NCOR1: variants seen among roughly 807,000 people sequenced by gnomAD.
NCOR1 encodes the protein nuclear receptor corepressor 1.
In NCOR1, 63 loss-of-function variants were observed where a neutral mutation model predicts 288.1. That is an observed-to-expected ratio of 0.22 (90% CI 0.18 to 0.27). NCOR1 has a LOEUF of 0.27. Among genes scored for constraint, NCOR1 ranks in the 10% least tolerant of loss-of-function variants. The probability of loss-of-function intolerance (pLI) is 1.00; values close to 1 mark genes in which losing one functional copy is unlikely to be tolerated. For missense variants in NCOR1, 2,397 were observed against 3,019.2 expected, an observed-to-expected ratio of 0.79 and a Z score of 4.83; for synonymous variants, 1,007 against 1,065.9, an observed-to-expected ratio of 0.94 and a Z score of 1.08.
chr17:16,049,007 T>C lies in NCOR1; in HGVS notation c.6393-19A>G, dbSNP rs2058993551. ...AGGCCTACTATTGTAATATGTGAAA[T>C]ATTAGATTGTGTTTCAAAGGCTAAC... On this transcript the variant is annotated intron_variant, in intron 40 of 45. Coordinates refer to ENST00000268712, the MANE Select transcript of NCOR1 (RefSeq NM_006311.4). 6.3e-7 allele frequency: 1 copy of C among 1,577,616 alleles called. No homozygotes were observed. The highest frequency in any genetic ancestry group is 2.3e-5 in the East Asian group (1 of 43,598).
At chr17:16,127,789 A>G (rs2074980456) in intron 14 of NCOR1, among the ~76,000 whole-genome samples, 1 of 150,986 alleles carries the variant, frequency 6.6e-6, no homozygotes, top group African/African-American at 2.4e-5. Flanking sequence ...GTTCGGTACT[A>G]TCTGTGGTTT....
chr17:16,111,829 TGAG>T (rs2070280163), intron 18 of NCOR1, among the ~76,000 whole-genome samples: 1 of 152,074 alleles, frequency 6.6e-6, no homozygotes, highest in South Asian at 2.1e-4. Flanking sequence ...ACTGTGTTTC[TGAG>T]GAGGACCATG....
intron 3 of NCOR1, among the ~76,000 whole-genome samples, chr17:16,177,468 C>A (rs1351813061): frequency 6.6e-6 from 1 of 152,138 alleles, no homozygotes; most frequent in African/African-American, 2.4e-5. Flanking sequence ...ATTGTGGCAG[C>A]CTTTCTCTTT....
At chr17:16,170,362 CTG>C (rs1421491121) in intron 4 of NCOR1, among the ~76,000 whole-genome samples, 2 of 151,928 alleles carry the variant, frequency 1.3e-5, no homozygotes, top group South Asian at 2.1e-4. Flanking sequence ...AAAAGAAAAA[CTG>C]AAACAAAAAG....
At chr17:16,097,182 G>A (rs2066787085) in intron 21 of NCOR1, among the ~76,000 whole-genome samples, 1 of 152,220 alleles carries the variant, frequency 6.6e-6, no homozygotes, top group South Asian at 2.1e-4. Flanking sequence ...ACTCCTGGCT[G>A]GGGCCTCTAG....
chr17:16,032,705 G>A (rs1402892843), intron 45 of NCOR1, among the ~76,000 whole-genome samples: 1 of 152,216 alleles, frequency 6.6e-6, no homozygotes, highest in Non-Finnish European at 1.5e-5. Context: ...AGTAACATGA[G>A]TAGCATATGA....
intron 2 of NCOR1, among the ~76,000 whole-genome samples, chr17:16,189,997 G>A (rs2087769802): frequency 6.6e-6 from 1 of 152,184 alleles, no homozygotes; most frequent in Non-Finnish European, 1.5e-5. Flanking sequence ...CTTTAGGAGG[G>A]CAAGGCAGGA....
rs111371874 is a variant in NCOR1, at chr17:16,162,246, T to C, written c.618+2733A>G. Among the ~76,000 whole-genome samples the C allele has an allele frequency of 5.9e-4, 89 of 152,080 alleles. 1 individual carries two copies. Among genetic ancestry groups the C allele is most frequent in the African/African-American group, 2.0e-3 (85 of 41,516 alleles). ...TAAACTGGAAGACAGGCTGAAGAAA[T>C]TGCTCAGAATGAAGCCCAAAGAAGT... On this transcript the variant is annotated intron_variant, in intron 5 of 45. Coordinates refer to ENST00000268712, the MANE Select transcript of NCOR1 (RefSeq NM_006311.4).
At chr17:16,117,768 GC>G in intron 18 of NCOR1, 119 bp downstream of exon 18, 1 of 1,077,458 alleles carries the variant, frequency 9.3e-7, no homozygotes, top group Non-Finnish European at 1.3e-6. Context: ...TTTGCAGTGA[GC>G]CAAGATTGCA....
rs1330028363 is a variant in NCOR1 at position 16,075,622 on chromosome 17, G to A, written c.3582C>T (p.Asp1194=). The change falls in exon 27 of 46, where the codon GAC becomes GAT. Residue 1194 remains aspartate, a synonymous_variant. Coordinates refer to ENST00000268712, the MANE Select transcript of NCOR1 (RefSeq NM_006311.4). ...KGSISRMPIE[D]SSPEKGREEA... The stretch of plus-strand genomic sequence containing the variant: ...CCTCTCTGCCTTTCTCAGGACTGCT[G>A]TCTTCAATGGGCATTCTCGAAATGG... The A allele has an allele frequency of 6.2e-7, 1 of 1,614,180 alleles. No homozygotes were observed. The highest frequency in any genetic ancestry group is 2.2e-5 in the East Asian group (1 of 44,882).
intron 3 of NCOR1, among the ~76,000 whole-genome samples, chr17:16,177,967 T>C (rs903524773): frequency 2.6e-5 from 4 of 152,184 alleles, no homozygotes; most frequent in Non-Finnish European, 2.9e-5. Flanking sequence ...CCCAGCATTT[T>C]GGGAGGCTGA....
At position 16,098,248 on chromosome 17, in the gene NCOR1, CATGTT is replaced by C; in HGVS notation, c.2820+114_2820+118del. On this transcript the variant is annotated intron_variant, in intron 21 of 45. Coordinates refer to ENST00000268712, the MANE Select transcript of NCOR1 (RefSeq NM_006311.4). Reference sequence around the variant, plus strand: ...TAGAATTGGTTACGATTATTAATTTCATGTTATGTTTTGTACCACTATTTTTTTAA... The same window carrying C: ...TAGAATTGGTTACGATTATTAATTTCATGTTTTGTACCACTATTTTTTTAA... 6.2e-6 allele frequency: 6 copies of C among 971,610 alleles called. No homozygotes were observed. The South Asian group carries it at 9.1e-5, about 15-fold the overall frequency. The allele number at this position is 971,610 out of a possible 1,614,324, so 60.2% of individuals were successfully genotyped here.
intron 1 of NCOR1, among the ~76,000 whole-genome samples, chr17:16,199,759 C>A (rs547346312): frequency 6.6e-6 from 1 of 152,230 alleles, no homozygotes; most frequent in Non-Finnish European, 1.5e-5. Context: ...AAAAATTCTA[C>A]GAATTGTTTA....
intron 36 of NCOR1, 104 bp from the exon 37 acceptor site, chr17:16,061,998 C>T: frequency 6.4e-7 from 1 of 1,570,054 alleles, no homozygotes; most frequent in Admixed American, 2.1e-5. Context: ...AAAAAGCCTT[C>T]ATGGCATGGG....
chr17:16,207,133 A>G (rs2091605144), intron 1 of NCOR1, among the ~76,000 whole-genome samples: 1 of 152,204 alleles, frequency 6.6e-6, no homozygotes, highest in South Asian at 2.1e-4. Context: ...ATACCTCCAA[A>G]TACATAAAAG....
intron 40 of NCOR1, among the ~76,000 whole-genome samples, chr17:16,052,809 C>T (rs897964241): frequency 2.0e-4 from 30 of 152,090 alleles, no homozygotes; most frequent in Non-Finnish European, 7.4e-5. Context: ...AGAAAACTTC[C>T]GGCCAATATC....
At chr17:16,199,806 T>A (rs535428592) in intron 1 of NCOR1, among the ~76,000 whole-genome samples, 4 of 152,202 alleles carry the variant, frequency 2.6e-5, no homozygotes, top group Admixed American at 6.5e-5. Context: ...AACTTCCTCA[T>A]CTCTTAAATA....
rs781356123 is a variant in NCOR1, at chr17:16,126,172, T to C, written c.1544A>G (p.Glu515Gly). Residue 515 changes from glutamate to glycine, a missense_variant, in exon 15 of 46, where the codon GAA becomes GGA. Physicochemically the swap from Glu to Gly is moderately conservative, Grantham distance 98. Around this residue, in one of 11 missense-constraint regions of NCOR1, gnomAD observed 113 missense variants for 139.5 expected, o/e 0.81. Transcript: ENST00000268712. ...IARPSQEEKVEEKEEDKAEKT... is the reference protein window; with the variant it reads ...IARPSQEEKVGEKEEDKAEKT... ...TTCTGCTTTATCCTCTTCTTTTTCT[T>C]CTACTTTTTCTTCTTGCGAGGGTCG... 6.4e-7 allele frequency: 1 copy of C among 1,563,374 alleles called. No individual in the cohort carries two copies. The highest frequency in any genetic ancestry group is 1.3e-5 in the South Asian group (1 of 79,902).
intron 15 of NCOR1, among the ~76,000 whole-genome samples, chr17:16,121,599 C>A (rs1017397498): frequency 3.9e-5 from 6 of 152,170 alleles, no homozygotes; most frequent in Admixed American, 1.3e-4. Flanking sequence ...CCAGAGACAA[C>A]AGCCTACACC....
Sources: gnomAD v4.1 joint callset for allele counts (sites outside exome capture counted in the v4.1 genomes callset) on GRCh38, gnomAD v4.1.1 for gene constraint, gnomAD v4.1.1 regional missense constraint, MANE v1.5 for transcripts, NCBI Gene and HGNC (gene_info 2026-07-23, HGNC 2026-07-21) for gene names.